Variants in LMBRD1 observed in about 807,000 individuals in gnomAD.
LMBRD1 encodes lysosomal cobalamin transport escort protein LMBD1.
In LMBRD1, 64 loss-of-function variants were observed where a neutral mutation model predicts 74.8. The observed-to-expected ratio is 0.86, with a 90% confidence interval of 0.70 to 1.05. LMBRD1 has a LOEUF of 1.05. Among genes scored for constraint, LMBRD1 ranks in the 50% least tolerant of loss-of-function variants. The pLI is 0.00. For missense variants in LMBRD1, 652 were observed against 645.9 expected (o/e 1.01, Z -0.10); for synonymous variants, 204 against 216.3 (o/e 0.94, Z 0.50).
chr6:69,790,531 T>C (rs900634441), intron 1 of LMBRD1, 59 bp from the exon 2 acceptor site: 1 of 1,551,362 alleles, frequency 6.4e-7, no homozygotes, highest in South Asian at 1.1e-5. Flanking sequence ...CTGATTTTTG[T>C]ATGTGTTTGA....
chr6:69,706,811 T>G (rs1418917988), intron 9 of LMBRD1, among the ~76,000 whole-genome samples: 1 of 152,180 alleles, frequency 6.6e-6, no homozygotes, highest in African/African-American at 2.4e-5. Context: ...TTCTAAATTG[T>G]GGCTTTTCAT....
At chr6:69,788,666 A>C (rs1035690186) in intron 2 of LMBRD1, among the ~76,000 whole-genome samples, 1 of 152,222 alleles carries the variant, frequency 6.6e-6, no homozygotes, top group Non-Finnish European at 1.5e-5. Context: ...GAGAAAACCC[A>C]ATGACACCAG....
In LMBRD1 at chr6:69,796,949, G is replaced by A; in HGVS notation, c.-68C>T. On this transcript the variant is annotated 5_prime_UTR_variant, in exon 1 of 16. Coordinates refer to ENST00000649934, the MANE Select transcript of LMBRD1 (RefSeq NM_018368.4). The stretch of plus-strand genomic sequence containing the variant: ...AAAGGGGAGGGGGAAAGGGGAGAGA[G>A]CGCGAGATATACTGCACCCGCGCAC... 1 of 1,380,326 alleles carries A rather than the reference G, an allele frequency of 7.2e-7. No individual in the cohort carries two copies. The highest frequency in any genetic ancestry group is 1.2e-5 in the South Asian group (1 of 83,190). 85.5% of individuals were successfully genotyped at this position (1,380,326 alleles called of 1,614,324 possible).
intron 1 of LMBRD1, among the ~76,000 whole-genome samples, chr6:69,793,417 T>C (rs923239781): frequency 1.3e-5 from 2 of 152,218 alleles, no homozygotes; most frequent in African/African-American, 4.8e-5. Flanking sequence ...TGGGGTCACA[T>C]ATTTGGTATT....
intron 2 of LMBRD1, among the ~76,000 whole-genome samples, chr6:69,786,082 CCTTAT>C (rs1156868309): frequency 7.2e-5 from 11 of 152,184 alleles, no homozygotes; most frequent in South Asian, 2.1e-4. Context: ...TATAAAGTTA[CCTTAT>C]CTTATTTGTT....
intron 9 of LMBRD1, chr6:69,705,983 C>T (rs1463604342): frequency 1.4e-5 from 12 of 863,842 alleles, no homozygotes; most frequent in Admixed American, 3.4e-5. Flanking sequence ...TCTGCTTCAA[C>T]GATGTGTAAT....
Position 69,675,236 on chromosome 6 carries a change from T to G in LMBRD1, c.*922A>C, listed in dbSNP as rs1474463212. ...TCAAGGATCATGATATATACTTTTTTATGAGTTCTAATGTGCTTATGTTAG... is the reference window on the plus strand; with the variant it reads ...TCAAGGATCATGATATATACTTTTTGATGAGTTCTAATGTGCTTATGTTAG... On this transcript the variant is annotated 3_prime_UTR_variant, in exon 16 of 16. Transcript: ENST00000649934. Among the ~76,000 whole-genome samples, 1 of 152,208 alleles carries G rather than the reference T, an allele frequency of 6.6e-6. No homozygotes were observed.
intron 7 of LMBRD1, among the ~76,000 whole-genome samples, chr6:69,719,744 C>T (rs1387357064): frequency 6.6e-6 from 1 of 152,144 alleles, no homozygotes; most frequent in Non-Finnish European, 1.5e-5. Context: ...TATTCAGAAT[C>T]ATTACTGACC....
chr6:69,738,290 C>T (rs1582106434), intron 6 of LMBRD1, among the ~76,000 whole-genome samples: 1 of 151,882 alleles, frequency 6.6e-6, no homozygotes, highest in East Asian at 1.9e-4. Flanking sequence ...AATTATTGGG[C>T]CCAAAAAGAG....
intron 4 of LMBRD1, among the ~76,000 whole-genome samples, chr6:69,749,794 T>C (rs893832208): frequency 2.0e-5 from 3 of 150,374 alleles, no homozygotes; most frequent in African/African-American, 7.3e-5. Context: ...ACACAATATA[T>C]ACGTTTGTGT....
intron 14 of LMBRD1, among the ~76,000 whole-genome samples, chr6:69,687,612 T>C (rs1224640339): frequency 6.6e-6 from 1 of 152,184 alleles, no homozygotes; most frequent in East Asian, 1.9e-4. Flanking sequence ...ATTGTGCTTC[T>C]CCGTATTACT....
chr6:69,698,803 T>C (rs1766061439), intron 13 of LMBRD1, among the ~76,000 whole-genome samples: 1 of 151,872 alleles, frequency 6.6e-6, no homozygotes, highest in Non-Finnish European at 1.5e-5. Context: ...CTCAGTAGCT[T>C]AGCACCATGG....
intron 4 of LMBRD1, 51 bp downstream of exon 4, chr6:69,752,208 T>C: frequency 1.3e-6 from 2 of 1,551,702 alleles, no homozygotes; most frequent in Non-Finnish European, 1.8e-6. Flanking sequence ...AAAAAGCAGG[T>C]AATATTATTT....
Position 69,766,514 on chromosome 6 carries a change from T to C in LMBRD1, c.307+13980A>G, listed in dbSNP as rs150436818. Among the ~76,000 whole-genome samples the C allele has an allele frequency of 3.5e-3, 531 of 152,100 alleles. 1 individual carries two copies. Among genetic ancestry groups the C allele is most frequent in the African/African-American group, 0.012 (513 of 41,562 alleles). The stretch of plus-strand genomic sequence containing the variant: ...TGGGATGAATTCACTTTTGTCATAC[T>C]ATGTAATTCTTTTTATATGACACTG... On this transcript the variant is annotated intron_variant, in intron 3 of 15. Coordinates refer to ENST00000649934, the MANE Select transcript of LMBRD1 (RefSeq NM_018368.4).
chr6:69,736,357 C>T (rs1485120401), intron 7 of LMBRD1, among the ~76,000 whole-genome samples: 2 of 152,132 alleles, frequency 1.3e-5, no homozygotes, highest in Non-Finnish European at 1.5e-5. Flanking sequence ...CTCAGGGTTC[C>T]TCTTCTACAA....
At chr6:69,780,754 GAAA>G (rs1765815875) in intron 2 of LMBRD1, among the ~76,000 whole-genome samples, 200 bp from the exon 3 acceptor site, 1 of 152,118 alleles carries the variant, frequency 6.6e-6, no homozygotes, top group Non-Finnish European at 1.5e-5. Context: ...ACAGTTCTGG[GAAA>G]ACACAGACAA....
intron 7 of LMBRD1, among the ~76,000 whole-genome samples, chr6:69,724,779 A>C (rs577112628): frequency 6.6e-6 from 1 of 152,046 alleles, no homozygotes; most frequent in South Asian, 2.1e-4. Flanking sequence ...AATGGTGAAA[A>C]ACTGAAAGCC....
chr6:69,685,992 A>C (rs574881816), intron 14 of LMBRD1, among the ~76,000 whole-genome samples: 1 of 152,180 alleles, frequency 6.6e-6, no homozygotes, highest in Non-Finnish European at 1.5e-5. Context: ...TATGGCAAAC[A>C]AAACAAAATA....
At chr6:69,723,213 A>C (rs773458408) in intron 7 of LMBRD1, among the ~76,000 whole-genome samples, 2 of 152,192 alleles carry the variant, frequency 1.3e-5, no homozygotes, top group African/African-American at 2.4e-5. Flanking sequence ...ACCCCAATAC[A>C]TTAACAATGG....
Sources: allele counts gnomAD v4.1 joint callset (sites outside exome capture counted in the v4.1 genomes callset), GRCh38; gene constraint gnomAD v4.1.1; transcripts MANE v1.5; gene names NCBI Gene and HGNC (gene_info 2026-07-23, HGNC 2026-07-21).